LOC128125818: variants seen among roughly 807,000 people sequenced by gnomAD.
At chr4:6,068,473 C>A in the LOC128125818 span, among the ~76,000 whole-genome samples, 6 of 152,044 alleles carry the variant, frequency 3.9e-5, no homozygotes, top group Non-Finnish European at 8.8e-5. Flanking sequence ...AGGCACGGCA[C>A]ACACAGAGTT....
the LOC128125818 span, among the ~76,000 whole-genome samples, chr4:6,065,183 G>A: frequency 6.6e-6 from 1 of 152,198 alleles, no homozygotes; most frequent in Non-Finnish European, 1.5e-5. The surrounding 1 kb of genome is among the most constrained non-coding windows in gnomAD (Gnocchi z 5.1). Flanking sequence ...AAAGGTGGCA[G>A]CAGGTGGCGG....
At chr4:6,067,742 CTG>C in the LOC128125818 span, among the ~76,000 whole-genome samples, 1 of 149,372 alleles carries the variant, frequency 6.7e-6, no homozygotes, top group African/African-American at 2.5e-5. The surrounding 1 kb of genome is among the most constrained non-coding windows in gnomAD (Gnocchi z 4.6). Flanking sequence ...TCAAGCTCTT[CTG>C]CACACGCAGG....
At chr4:6,069,398 G>C in the LOC128125818 span, among the ~76,000 whole-genome samples, 3 of 152,170 alleles carry the variant, frequency 2.0e-5, no homozygotes, top group Non-Finnish European at 2.9e-5. This position sits in a 1 kb window ranked among gnomAD's most constrained non-coding sequence, Gnocchi z 4.5. Context: ...CATGTTCCTT[G>C]CAACCAAAGC....
the LOC128125818 span, among the ~76,000 whole-genome samples, chr4:6,065,422 G>A: frequency 1.3e-5 from 2 of 152,240 alleles, no homozygotes; most frequent in Non-Finnish European, 2.9e-5. This position sits in a 1 kb window ranked among gnomAD's most constrained non-coding sequence, Gnocchi z 5.1. Context: ...CGCACTGGCT[G>A]TACCAAGGAG....
chr4:6,065,158 T>C, the LOC128125818 span: 2 of 976,416 alleles, frequency 2.0e-6, no homozygotes, highest in African/African-American at 3.2e-5. The surrounding 1 kb of genome is among the most constrained non-coding windows in gnomAD (Gnocchi z 5.1). Flanking sequence ...GCTTCGTAAC[T>C]GACTGGGTGG....
At chr4:6,065,623 T>C in the LOC128125818 span, among the ~76,000 whole-genome samples, 2 of 152,210 alleles carry the variant, frequency 1.3e-5, no homozygotes, top group African/African-American at 4.8e-5. The surrounding 1 kb of genome is among the most constrained non-coding windows in gnomAD (Gnocchi z 5.1). Flanking sequence ...CTTAACTTTT[T>C]ATTATAGAAA....
chr4:6,066,057 C>T, the LOC128125818 span, among the ~76,000 whole-genome samples: 5 of 152,040 alleles, frequency 3.3e-5, no homozygotes, highest in African/African-American at 1.2e-4. Context: ...TCAATGAATG[C>T]CTTTCAGACC....
the LOC128125818 span, among the ~76,000 whole-genome samples, chr4:6,067,957 G>A: frequency 6.6e-6 from 1 of 152,158 alleles, no homozygotes; most frequent in Non-Finnish European, 1.5e-5. This position sits in a 1 kb window ranked among gnomAD's most constrained non-coding sequence, Gnocchi z 4.6. Context: ...GAGTCTGTTT[G>A]TTGCTGTAGC....
At chr4:6,065,192 G>A in the LOC128125818 span, among the ~76,000 whole-genome samples, 8 of 152,300 alleles carry the variant, frequency 5.3e-5, no homozygotes, top group South Asian at 1.0e-3. This position sits in a 1 kb window ranked among gnomAD's most constrained non-coding sequence, Gnocchi z 5.1. Context: ...AGCAGGTGGC[G>A]GATGACCCTA....
the LOC128125818 span, among the ~76,000 whole-genome samples, chr4:6,066,013 A>G: frequency 2.6e-5 from 4 of 152,050 alleles, no homozygotes; most frequent in Non-Finnish European, 5.9e-5. Flanking sequence ...TTTCCCAAAC[A>G]GCCCCCGACA....
At chr4:6,067,057 C>T in the LOC128125818 span, among the ~76,000 whole-genome samples, 1 of 152,168 alleles carries the variant, frequency 6.6e-6, no homozygotes, top group African/African-American at 2.4e-5. The surrounding 1 kb of genome is among the most constrained non-coding windows in gnomAD (Gnocchi z 4.6). Flanking sequence ...GTCCCTCCTG[C>T]TTCACCCCCG....
the LOC128125818 span, among the ~76,000 whole-genome samples, chr4:6,065,962 A>T: frequency 1.3e-5 from 2 of 152,336 alleles, no homozygotes; most frequent in Admixed American, 6.5e-5. This position sits in a 1 kb window ranked among gnomAD's most constrained non-coding sequence, Gnocchi z 5.1. Context: ...TCACCAGATC[A>T]ATGTCTCTTA....
the LOC128125818 span, chr4:6,070,021 A>C: frequency 2.5e-6 from 1 of 398,646 alleles, no homozygotes; most frequent in Admixed American, 4.4e-5. Context: ...ACCGCCAGAG[A>C]ACCTCAAAAC....
the LOC128125818 span, among the ~76,000 whole-genome samples, chr4:6,067,164 C>T: frequency 6.6e-6 from 1 of 152,190 alleles, no homozygotes; most frequent in African/African-American, 2.4e-5. The surrounding 1 kb of genome is among the most constrained non-coding windows in gnomAD (Gnocchi z 4.6). Context: ...GATGGTCTTC[C>T]CCCTACCCCT....
chr4:6,068,124 T>C, the LOC128125818 span, among the ~76,000 whole-genome samples: 7 of 152,198 alleles, frequency 4.6e-5, no homozygotes, highest in African/African-American at 1.2e-4. Context: ...GGACTACCAG[T>C]TAAAGACTCA....
At chr4:6,065,123 G>A in the LOC128125818 span, 1 of 1,308,468 alleles carries the variant, frequency 7.6e-7, no homozygotes, top group Non-Finnish European at 1.1e-6. The surrounding 1 kb of genome is among the most constrained non-coding windows in gnomAD (Gnocchi z 5.1). Context: ...TGGGCCACTG[G>A]GGCATCACAA....
At chr4:6,068,136 C>T in the LOC128125818 span, among the ~76,000 whole-genome samples, 9 of 152,206 alleles carry the variant, frequency 5.9e-5, no homozygotes, top group Non-Finnish European at 1.0e-4. Flanking sequence ...AAAGACTCAA[C>T]TCTCAAGCCC....
At chr4:6,068,276 T>G in the LOC128125818 span, among the ~76,000 whole-genome samples, 4 of 152,288 alleles carry the variant, frequency 2.6e-5, no homozygotes, top group South Asian at 4.1e-4. Context: ...TAGAGCAACC[T>G]TAGCAAACAG....
the LOC128125818 span, among the ~76,000 whole-genome samples, chr4:6,065,586 C>T: frequency 6.6e-6 from 1 of 152,158 alleles, no homozygotes; most frequent in Non-Finnish European, 1.5e-5. The surrounding 1 kb of genome is among the most constrained non-coding windows in gnomAD (Gnocchi z 5.1). Flanking sequence ...AAGTCCTGGC[C>T]AGACCCACAC....
Sources: allele counts gnomAD v4.1 joint callset (sites outside exome capture counted in the v4.1 genomes callset), GRCh38; gene constraint gnomAD v4.1.1; non-coding constraint Gnocchi (gnomAD v3.1); transcripts MANE v1.5.